Variants in WNT7A observed in about 807,000 individuals in gnomAD.
WNT7A encodes the protein protein Wnt-7a.
Under a neutral mutation model 28.2 loss-of-function variants are expected in WNT7A, and 16 were observed. The observed-to-expected ratio is 0.57, with a 90% CI of 0.38 to 0.86. WNT7A has a LOEUF of 0.86. Among genes scored for constraint, WNT7A ranks in the 40% least tolerant of loss-of-function variants. The pLI, the probability that WNT7A is intolerant of heterozygous loss-of-function variation, is 0.00. For synonymous variants in WNT7A, 190 were observed against 195.9 expected, an observed-to-expected ratio of 0.97 and a Z score of 0.25; for missense variants, 411 against 489.7, an observed-to-expected ratio of 0.84 and a Z score of 1.52.
At chr3:13,841,441 T>C (rs1053853394) in intron 3 of WNT7A, among the ~76,000 whole-genome samples, 2 of 152,216 alleles carry the variant, frequency 1.3e-5, no homozygotes, top group African/African-American at 2.4e-5. Context: ...TCTTTGCTTA[T>C]CAACTGTATG....
At chr3:13,843,472 C>T (rs768120938) in intron 3 of WNT7A, among the ~76,000 whole-genome samples, 9 of 152,082 alleles carry the variant, frequency 5.9e-5, no homozygotes, top group Non-Finnish European at 1.0e-4. Flanking sequence ...GGGCTCTGAT[C>T]GGAGCTCTTT....
intron 2 of WNT7A, among the ~76,000 whole-genome samples, chr3:13,861,396 T>A (rs888807905): frequency 2.0e-5 from 3 of 152,262 alleles, no homozygotes; most frequent in African/African-American, 7.2e-5. Flanking sequence ...TTCTTGAGCA[T>A]CTACTATGTG....
chr3:13,859,597 A>G (rs1466723273), intron 2 of WNT7A, among the ~76,000 whole-genome samples: 1 of 152,154 alleles, frequency 6.6e-6, no homozygotes, highest in Non-Finnish European at 1.5e-5. Flanking sequence ...TCTGTTCCCC[A>G]TACCAGCCCT....
At chr3:13,850,747 C>T (rs1694620370) in intron 3 of WNT7A, among the ~76,000 whole-genome samples, 1 of 152,136 alleles carries the variant, frequency 6.6e-6, no homozygotes, top group South Asian at 2.1e-4. Context: ...ACTCGAAAGC[C>T]TGGCCTGCCA....
At chr3:13,837,266 G>C (rs1427717439) in intron 3 of WNT7A, among the ~76,000 whole-genome samples, 1 of 152,102 alleles carries the variant, frequency 6.6e-6, no homozygotes, top group Non-Finnish European at 1.5e-5. Flanking sequence ...CCTTCTGCCT[G>C]TGACACCCTT....
intron 3 of WNT7A, among the ~76,000 whole-genome samples, chr3:13,825,217 T>G (rs139057373): frequency 6.8e-4 from 104 of 152,302 alleles, no homozygotes; most frequent in African/African-American, 2.4e-3. Context: ...GATTGTCTTT[T>G]GTAGTGTTTG....
At chr3:13,847,099 G>C (rs1372706458) in intron 3 of WNT7A, among the ~76,000 whole-genome samples, 1 of 152,202 alleles carries the variant, frequency 6.6e-6, no homozygotes, top group Non-Finnish European at 1.5e-5. Flanking sequence ...ACCTGGCTGG[G>C]CTCTGCCCTC....
chr3:13,856,975 A>AGAAGAAGAAGGAGAAGG (rs1559303410), intron 2 of WNT7A, among the ~76,000 whole-genome samples: 1 of 97,016 alleles, frequency 1.0e-5, no homozygotes, highest in Non-Finnish European at 1.9e-5. Context: ...GAAGGAGAAG[A>AGAAGAAGAAGGAGAAGG]AGAAGAAGAA....
intron 3 of WNT7A, among the ~76,000 whole-genome samples, chr3:13,852,599 T>C (rs1575068115): frequency 1.3e-5 from 2 of 152,172 alleles, no homozygotes; most frequent in Admixed American, 1.3e-4. Context: ...CTGGCGGCTG[T>C]CTTTGTTCCT....
rs1418121016 is a variant in WNT7A at position 13,818,565 on chromosome 3, A to G, written c.*379T>C. On this transcript the variant is annotated 3_prime_UTR_variant, in exon 4 of 4. Transcript: ENST00000285018. ...AAAGCAAGCAGTCCACTTTGATTGC[A>G]GAAAACGGATCCCGACGAGGTGGAA... The G allele has an allele frequency of 6.5e-6, 1 of 153,350 alleles. No homozygotes were observed. The highest frequency in any genetic ancestry group is 1.5e-5 in the Non-Finnish European group (1 of 68,800). The allele number at this position is 153,350 out of a possible 1,614,324, so 9.5% of individuals were successfully genotyped here.
At chr3:13,843,266 A>G (rs944170201) in intron 3 of WNT7A, among the ~76,000 whole-genome samples, 15 of 152,250 alleles carry the variant, frequency 9.9e-5, no homozygotes, top group African/African-American at 3.6e-4. Context: ...AATGATATTC[A>G]TAACAGCAAT....
At chr3:13,867,064 A>C (rs1338574348) in intron 2 of WNT7A, among the ~76,000 whole-genome samples, 1 of 152,126 alleles carries the variant, frequency 6.6e-6, no homozygotes, top group Non-Finnish European at 1.5e-5. Flanking sequence ...GCTTGTGTTC[A>C]TATGACACGG....
chr3:13,878,514 C>T (rs538741965), intron 1 of WNT7A, among the ~76,000 whole-genome samples: 3 of 152,324 alleles, frequency 2.0e-5, no homozygotes, highest in African/African-American at 7.2e-5. Flanking sequence ...GCAGCCGCCT[C>T]TCCGCCGCTG....
At chr3:13,836,033 G>A (rs1457483011) in intron 3 of WNT7A, among the ~76,000 whole-genome samples, 2 of 152,128 alleles carry the variant, frequency 1.3e-5, no homozygotes, top group South Asian at 4.1e-4. Context: ...AGGGAATGAG[G>A]AGTGACTACT....
intron 1 of WNT7A, chr3:13,877,003 T>C (rs1695119849): frequency 1.3e-5 from 2 of 152,248 alleles, no homozygotes; most frequent in South Asian, 4.1e-4. Flanking sequence ...GAGGATGAGC[T>C]CCCTGAGGGC....
chr3:13,870,347 G>A (rs559307970), intron 2 of WNT7A, among the ~76,000 whole-genome samples: 29 of 152,320 alleles, frequency 1.9e-4, no homozygotes, highest in Admixed American at 3.9e-4. Flanking sequence ...AAGGCCATGT[G>A]AGAACCCAGG....
At position 13,875,177 on chromosome 3, in the gene WNT7A, G is replaced by C; in HGVS notation, c.72-4C>G. Reference sequence around the variant, plus strand: ...AGCTACCACTGAGGAGAAGCCACTGGAGGGAGAGACACAGAGAGATGGAGC... The same window carrying C: ...AGCTACCACTGAGGAGAAGCCACTGCAGGGAGAGACACAGAGAGATGGAGC... On this transcript the variant is annotated splice_region_variant and splice_polypyrimidine_tract_variant and intron_variant, in intron 1 of 3. Coordinates refer to ENST00000285018, the MANE Select transcript of WNT7A (RefSeq NM_004625.4). 2 of 1,613,952 alleles carry C rather than the reference G, an allele frequency of 1.2e-6. No individual in the cohort carries two copies. The highest frequency in any genetic ancestry group is 1.7e-6 in the Non-Finnish European group (2 of 1,179,978).
Position 13,856,886 on chromosome 3 carries a change from A to G in WNT7A, c.299-2083T>C, listed in dbSNP as rs541463844. Among the ~76,000 whole-genome samples the G allele has an allele frequency of 8.0e-4, 55 of 69,004 alleles. 1 individual carries two copies. Among genetic ancestry groups the G allele is most frequent in the South Asian group, 4.3e-3 (8 of 1,866 alleles). The allele number at this position is 69,004 out of a possible 152,430, so 45.3% of individuals were successfully genotyped here. ...AAGAGGAAGAGGAAGAAGAGGAAGAAGAAGAAAAAGAAGAAGAAGAAGAAG... is the reference window on the plus strand; with the variant it reads ...AAGAGGAAGAGGAAGAAGAGGAAGAGGAAGAAAAAGAAGAAGAAGAAGAAG... On this transcript the variant is annotated intron_variant, in intron 2 of 3. Coordinates refer to ENST00000285018, the MANE Select transcript of WNT7A (RefSeq NM_004625.4).
intron 3 of WNT7A, among the ~76,000 whole-genome samples, chr3:13,842,061 C>T (rs954711584): frequency 1.3e-5 from 2 of 150,470 alleles, no homozygotes; most frequent in Non-Finnish European, 3.0e-5. Context: ...ACAGAGAGAG[C>T]GAAGGGGAAG....
Sources: allele counts gnomAD v4.1 joint callset (sites outside exome capture counted in the v4.1 genomes callset), GRCh38; gene constraint gnomAD v4.1.1; transcripts MANE v1.5; gene names NCBI Gene and HGNC (gene_info 2026-07-23, HGNC 2026-07-21).